Variants in XYLT1 observed in about 807,000 individuals in gnomAD.
XYLT1 encodes beta-D-xylosyltransferase 1.
In XYLT1, 36 loss-of-function variants were observed where a neutral mutation model predicts 91.3. The ratio of observed to expected loss-of-function variants is 0.39; its 90% confidence interval spans 0.30 to 0.52. The LOEUF (loss-of-function observed/expected upper bound fraction) is 0.52. Among genes scored for constraint, XYLT1 ranks in the 20% least tolerant of loss-of-function variants. XYLT1 has a pLI of 0.68. For synonymous variants in XYLT1, 588 were observed against 532.0 expected (o/e 1.11, Z -1.45); for missense variants, 1,242 against 1,284.5 (o/e 0.97, Z 0.51).
At chr16:17,406,606 A>G (rs1398266693) in intron 1 of XYLT1, among the ~76,000 whole-genome samples, 1 of 152,232 alleles carries the variant, frequency 6.6e-6, no homozygotes, top group African/African-American at 2.4e-5. Context: ...GAGTCATTTG[A>G]TCATCTGGAA....
rs537846891 is a variant in XYLT1 at position 17,130,598 on chromosome 16, C to T, written c.2028-2737G>A. Among the ~76,000 whole-genome samples, 6 of 152,246 alleles carry T rather than the reference C, an allele frequency of 3.9e-5. 1 individual carries two copies. Among genetic ancestry groups the T allele is most frequent in the South Asian group, 4.2e-4 (2 of 4,810 alleles). Reference sequence around the variant, plus strand: ...AGCAGTTCTCCCTGACTCAGCCTCCCGAGTAGCTGGGATTACAGGTGTCAG... The same window carrying T: ...AGCAGTTCTCCCTGACTCAGCCTCCTGAGTAGCTGGGATTACAGGTGTCAG... On this transcript the variant is annotated intron_variant, in intron 9 of 11. Coordinates refer to ENST00000261381, the MANE Select transcript of XYLT1 (RefSeq NM_022166.4).
chr16:17,253,568 T>G (rs867180627), intron 3 of XYLT1, among the ~76,000 whole-genome samples: 2 of 152,200 alleles, frequency 1.3e-5, no homozygotes, highest in Non-Finnish European at 1.5e-5. Flanking sequence ...CACTACCAGG[T>G]ACAGTTCTTA....
intron 5 of XYLT1, among the ~76,000 whole-genome samples, chr16:17,159,773 C>T (rs1431808595): frequency 6.6e-6 from 1 of 152,226 alleles, no homozygotes. Context: ...TCAATCTCAG[C>T]ACTAGCAGTG....
chr16:17,170,245 C>A (rs542943859), intron 5 of XYLT1, among the ~76,000 whole-genome samples: 8 of 152,184 alleles, frequency 5.3e-5, no homozygotes, highest in Non-Finnish European at 2.9e-5. Context: ...AGTTTCCTAC[C>A]AAGCTGTGAC....
chr16:17,135,515 G>A (rs963166159), intron 8 of XYLT1, among the ~76,000 whole-genome samples: 1 of 148,708 alleles, frequency 6.7e-6, no homozygotes, highest in African/African-American at 2.5e-5. Flanking sequence ...ACAAGACTCT[G>A]TCTCAGAGAA....
At chr16:17,388,575 G>GA (rs2035777161) in intron 1 of XYLT1, among the ~76,000 whole-genome samples, 2 of 152,036 alleles carry the variant, frequency 1.3e-5, no homozygotes, top group South Asian at 4.1e-4. Flanking sequence ...AACAGTTAAA[G>GA]AAAAAACTAA....
intron 7 of XYLT1, among the ~76,000 whole-genome samples, chr16:17,140,206 C>T (rs1213568830): frequency 6.6e-6 from 1 of 152,154 alleles, no homozygotes; most frequent in African/African-American, 2.4e-5. Context: ...CTAGATGGGG[C>T]TAGGACTGTT....
intron 3 of XYLT1, among the ~76,000 whole-genome samples, chr16:17,217,059 T>C (rs2032874196): frequency 2.0e-5 from 3 of 152,126 alleles, no homozygotes; most frequent in African/African-American, 4.8e-5. Flanking sequence ...TAAATGGACA[T>C]AGAAACACAC....
chr16:17,270,641 T>G (rs958264634), intron 2 of XYLT1, among the ~76,000 whole-genome samples: 2 of 152,252 alleles, frequency 1.3e-5, no homozygotes, highest in African/African-American at 2.4e-5. Flanking sequence ...TACTATGTGC[T>G]GATTACCTAC....
chr16:17,411,814 C>T (rs557447740), intron 1 of XYLT1, among the ~76,000 whole-genome samples: 10 of 152,288 alleles, frequency 6.6e-5, no homozygotes, highest in East Asian at 1.9e-4. Context: ...GAAGAAACTC[C>T]GGTGCCCTGA....
intron 1 of XYLT1, among the ~76,000 whole-genome samples, chr16:17,371,971 T>G (rs779885672): frequency 7.9e-4 from 121 of 152,322 alleles, no homozygotes; most frequent in Non-Finnish European, 1.5e-3. Flanking sequence ...ATCTGTAGAT[T>G]TTGTTTGCTG....
chr16:17,353,954 C>A (rs1050646026), intron 2 of XYLT1, among the ~76,000 whole-genome samples: 1 of 152,184 alleles, frequency 6.6e-6, no homozygotes, highest in Non-Finnish European at 1.5e-5. Context: ...CCCTTAGGTA[C>A]CTCATGTGGA....
At chr16:17,403,088 G>A (rs565897869) in intron 1 of XYLT1, among the ~76,000 whole-genome samples, 5 of 152,142 alleles carry the variant, frequency 3.3e-5, no homozygotes, top group Non-Finnish European at 5.9e-5. Flanking sequence ...ATATGAAGAC[G>A]ATACACAGAG....
rs750871331 is a variant in XYLT1, at chr16:17,108,836, C to T, written c.2739G>A (p.Met913Ile). 36 of 1,612,838 alleles carry T rather than the reference C, an allele frequency of 2.2e-5. No individual in the cohort carries two copies. Among genetic ancestry groups the T allele is most frequent in the East Asian group, 6.7e-5 (3 of 44,880 alleles). ...TGGCACAGATGTCCATGGCAGTCCA[C>T]ATCCCGCCCACCAACGAGTCCAGCC... ...EGWLDSLVGG[M>I]WTAMDICATG... Residue 913 changes from methionine (M) to isoleucine (I), a missense_variant, in exon 12 of 12, where the codon ATG (methionine) becomes ATA (isoleucine). Physicochemically the swap from Met to Ile is conservative, Grantham distance 10 (BLOSUM62 1). Transcript: ENST00000261381.
intron 3 of XYLT1, among the ~76,000 whole-genome samples, chr16:17,254,625 C>A (rs2033599951): frequency 6.6e-6 from 1 of 152,062 alleles, no homozygotes; most frequent in African/African-American, 2.4e-5. Flanking sequence ...GAACTGATGA[C>A]CTCGGGTGAT....
At chr16:17,415,710 C>A (rs1054426626) in intron 1 of XYLT1, among the ~76,000 whole-genome samples, 9 of 151,600 alleles carry the variant, frequency 5.9e-5, no homozygotes, top group Admixed American at 1.3e-4. Context: ...GAAAAAAAAA[C>A]CCACAGAAAT....
intron 2 of XYLT1, among the ~76,000 whole-genome samples, chr16:17,268,328 T>C (rs1342775416): frequency 1.3e-5 from 2 of 152,236 alleles, no homozygotes; most frequent in African/African-American, 2.4e-5. Context: ...AGTAATAGGT[T>C]ATTATGACTG....
At chr16:17,111,083 C>T (rs1382186670) in intron 11 of XYLT1, among the ~76,000 whole-genome samples, 2 of 152,082 alleles carry the variant, frequency 1.3e-5, no homozygotes, top group African/African-American at 4.8e-5. Context: ...TCGTTTGAAC[C>T]TGGGAGGCGG....
intron 5 of XYLT1, among the ~76,000 whole-genome samples, chr16:17,164,827 C>A (rs573654336): frequency 7.8e-4 from 119 of 152,276 alleles, no homozygotes; most frequent in Non-Finnish European, 1.0e-3. Flanking sequence ...ACTGGGCTAC[C>A]AGAGGCACAT....
Sources: gnomAD v4.1 joint callset for allele counts (sites outside exome capture counted in the v4.1 genomes callset) on GRCh38, gnomAD v4.1.1 for gene constraint, MANE v1.5 for transcripts, NCBI Gene and HGNC (gene_info 2026-07-23, HGNC 2026-07-21) for gene names.